ADAMTSL1: variants seen among roughly 807,000 people sequenced by gnomAD.
The protein encoded by ADAMTSL1 is ADAMTS like 1.
Under a neutral mutation model 201.8 loss-of-function variants are expected in ADAMTSL1, and 126 were observed. That is an observed-to-expected ratio of 0.62 (90% CI 0.54 to 0.72). The LOEUF is 0.72. Among genes scored for constraint, ADAMTSL1 ranks in the 30% least tolerant of loss-of-function variants. The pLI is 0.00. For synonymous variants in ADAMTSL1, 1,121 were observed against 903.4 expected (o/e 1.24, Z -4.32); for missense variants, 2,679 against 2,277.8 (o/e 1.18, Z -3.59).
intron 1 of ADAMTSL1, among the ~76,000 whole-genome samples, chr9:18,483,549 G>A (rs536382495): frequency 6.6e-6 from 1 of 152,154 alleles, no homozygotes; most frequent in Non-Finnish European, 1.5e-5. Flanking sequence ...AAAGATCGGC[G>A]TGGCGCGCTG....
At chr9:18,565,039 A>G (rs1302460595) in intron 3 of ADAMTSL1, among the ~76,000 whole-genome samples, 1 of 152,238 alleles carries the variant, frequency 6.6e-6, no homozygotes, top group Non-Finnish European at 1.5e-5. Flanking sequence ...AAATGTTTTT[A>G]CTTAGATCAA....
chr9:18,339,971 C>A (rs1471050236), intron 2 of ADAMTSL1, among the ~76,000 whole-genome samples: 1 of 152,178 alleles, frequency 6.6e-6, no homozygotes, highest in Non-Finnish European at 1.5e-5. Context: ...TTTTCCCCTT[C>A]CCGCATTACT....
At chr9:18,168,085 T>C (rs1212052549) in intron 2 of ADAMTSL1, among the ~76,000 whole-genome samples, 5 of 152,038 alleles carry the variant, frequency 3.3e-5, no homozygotes, top group Non-Finnish European at 7.4e-5. Flanking sequence ...TAAAGCTTTA[T>C]TGATTAGTGA....
intron 1 of ADAMTSL1, among the ~76,000 whole-genome samples, chr9:17,938,623 T>G (rs1489673321): frequency 6.6e-6 from 1 of 152,152 alleles, no homozygotes; most frequent in Non-Finnish European, 1.5e-5. Flanking sequence ...TGCAGAAAGT[T>G]GTCAGCTGGA....
chr9:18,027,654 T>G (rs1280643941), intron 1 of ADAMTSL1, among the ~76,000 whole-genome samples: 1 of 152,068 alleles, frequency 6.6e-6, no homozygotes, highest in Non-Finnish European at 1.5e-5. Context: ...GATCTTAGAG[T>G]ATGTTCCATG....
intron 15 of ADAMTSL1, among the ~76,000 whole-genome samples, chr9:18,722,719 C>T (rs1362864133): frequency 1.6e-4 from 24 of 152,174 alleles, no homozygotes; most frequent in Admixed American, 1.6e-3. Flanking sequence ...TGGACCAGGG[C>T]ATTCCCCTCT....
At chr9:18,722,313 ACTT>A (rs1363294797) in intron 15 of ADAMTSL1, among the ~76,000 whole-genome samples, 1 of 152,124 alleles carries the variant, frequency 6.6e-6, no homozygotes, top group African/African-American at 2.4e-5. Flanking sequence ...CCTTCTAGAT[ACTT>A]CTTTTTGAGC....
intron 2 of ADAMTSL1, among the ~76,000 whole-genome samples, chr9:18,310,615 C>T (rs1275855098): frequency 2.6e-5 from 4 of 152,118 alleles, no homozygotes; most frequent in Non-Finnish European, 5.9e-5. Context: ...TGGTCATCGT[C>T]ACTGGTCATT....
At chr9:18,553,137 T>A (rs1820887662) in intron 3 of ADAMTSL1, among the ~76,000 whole-genome samples, 1 of 151,440 alleles carries the variant, frequency 6.6e-6, no homozygotes. Flanking sequence ...GCCATCTTAC[T>A]TTCTGATCTC....
intron 1 of ADAMTSL1, among the ~76,000 whole-genome samples, chr9:18,054,831 A>G (rs1408093335): frequency 6.6e-6 from 1 of 152,240 alleles, no homozygotes; most frequent in Non-Finnish European, 1.5e-5. Flanking sequence ...TTAAAAATTG[A>G]CATTATTTCC....
chr9:18,101,409 A>T (rs900805393), intron 1 of ADAMTSL1, among the ~76,000 whole-genome samples: 1 of 151,866 alleles, frequency 6.6e-6, no homozygotes, highest in African/African-American at 2.4e-5. Context: ...GAGGCAGGAG[A>T]ATAGCTTGAA....
At chr9:18,723,945 A>C (rs963759262) in intron 15 of ADAMTSL1, 2 of 152,228 alleles carry the variant, frequency 1.3e-5, no homozygotes. Flanking sequence ...TTTCCCACAC[A>C]ACCCACAACC....
intron 13 of ADAMTSL1, among the ~76,000 whole-genome samples, chr9:18,688,675 A>ATATATATATAT: frequency 3.3e-5 from 1 of 30,652 alleles, no homozygotes; most frequent in Non-Finnish European, 7.4e-5. Context: ...AAAAAAAAAA[A>ATATATATATAT]AAAAAAAAAA....
At chr9:18,228,227 A>T (rs1249768851) in intron 2 of ADAMTSL1, among the ~76,000 whole-genome samples, 2 of 152,142 alleles carry the variant, frequency 1.3e-5, no homozygotes, top group East Asian at 3.9e-4. Flanking sequence ...TCAGCTCTTA[A>T]GGCTTGATGA....
In ADAMTSL1 at chr9:18,674,314, A is replaced by G. The variant is rs186446445; in HGVS notation, c.1086-1543A>G. 5.3e-5 allele frequency among the ~76,000 whole-genome samples: 8 copies of G among 152,278 alleles called. No individual in the cohort carries two copies. The East Asian group carries it at 1.5e-3, about 29-fold the overall frequency. ...CAGAAAATTTAGTCATGTAAAATAA[A>G]TAAGTTAGTACTCCAATGACCTTCC... On this transcript the variant is annotated intron_variant, in intron 9 of 28. Coordinates refer to ENST00000380548, the MANE Select transcript of ADAMTSL1 (RefSeq NM_001040272.6).
chr9:17,950,317 A>G (rs1189712091), intron 1 of ADAMTSL1, among the ~76,000 whole-genome samples: 1 of 152,090 alleles, frequency 6.6e-6, no homozygotes, highest in Non-Finnish European at 1.5e-5. Flanking sequence ...TTATATACCT[A>G]CCACCTAGAA....
intron 1 of ADAMTSL1, among the ~76,000 whole-genome samples, chr9:18,051,868 G>A (rs1252227853): frequency 5.9e-5 from 9 of 152,220 alleles, no homozygotes; most frequent in Non-Finnish European, 1.3e-4. Flanking sequence ...CCACGTCAAA[G>A]CTGTAAGGTG....
chr9:18,700,933 T>G (rs1028209037), intron 13 of ADAMTSL1, among the ~76,000 whole-genome samples: 1 of 152,170 alleles, frequency 6.6e-6, no homozygotes, highest in African/African-American at 2.4e-5. Flanking sequence ...TACAGCCAAT[T>G]CAAAGGAAGT....
At chr9:18,813,124 G>A (rs945633004) in intron 20 of ADAMTSL1, among the ~76,000 whole-genome samples, 9 of 151,706 alleles carry the variant, frequency 5.9e-5, no homozygotes, top group South Asian at 4.2e-4. Flanking sequence ...GTGCCACCAC[G>A]CCCAGCTAAT....
Sources: allele counts gnomAD v4.1 joint callset (sites outside exome capture counted in the v4.1 genomes callset), GRCh38; gene constraint gnomAD v4.1.1; transcripts MANE v1.5; gene names NCBI Gene and HGNC (gene_info 2026-07-23, HGNC 2026-07-21).